RGS10: variants seen among roughly 807,000 people sequenced by gnomAD.
RGS10 encodes regulator of G-protein signalling 10.
In RGS10, 11 loss-of-function variants were observed where a neutral mutation model predicts 23.5. The observed-to-expected ratio is 0.47, with a 90% CI of 0.29 to 0.77. RGS10 has a LOEUF of 0.77. RGS10 is among the 30% of genes least tolerant of loss of function. The probability of loss-of-function intolerance (pLI) is 0.08; values close to 1 mark genes in which losing one functional copy is unlikely to be tolerated. For missense variants in RGS10, 180 were observed against 226.3 expected (o/e 0.80, Z 1.31); for synonymous variants, 77 against 83.2 (o/e 0.92, Z 0.41).
chr10:119,517,676 ACACACACG>A lies in RGS10; in HGVS notation c.256-2032_256-2025del, dbSNP rs1844162466. ...TCCTCCCCTTGACATTCACACGCAC[ACACACACG>A]CACACACGTGCACACACGCACACAC... On this transcript the variant is annotated intron_variant, in intron 3 of 4. Coordinates refer to ENST00000369103, the MANE Select transcript of RGS10 (RefSeq NM_001005339.2). The surrounding 1 kb of genome is among the most constrained non-coding windows in gnomAD (Gnocchi z 5.0). Among the ~76,000 whole-genome samples the A allele has an allele frequency of 6.6e-6, 1 of 152,190 alleles. No homozygotes were observed. Among genetic ancestry groups the A allele is most frequent in the East Asian group, 1.9e-4 (1 of 5,200 alleles).
intron 3 of RGS10, among the ~76,000 whole-genome samples, chr10:119,521,556 G>A (rs1339634438): frequency 7.2e-6 from 1 of 139,646 alleles, no homozygotes; most frequent in Non-Finnish European, 1.5e-5. Context: ...GGCAACAAGA[G>A]CGAAACCCCA....
At chr10:119,532,882 C>A (rs568239792) in intron 1 of RGS10, among the ~76,000 whole-genome samples, 25 of 151,106 alleles carry the variant, frequency 1.7e-4, no homozygotes, top group Admixed American at 2.0e-4. Context: ...ACCAAAAAAA[C>A]CACAAAAATT....
At position 119,538,863 on chromosome 10, in the gene RGS10, G is replaced by A. The variant is rs2133962457; in HGVS notation, c.49+3727C>T. ...GAAGAAACTTGGGGGCATAAATTTAGTGCAGTTTAAGCAACAGGTTCCCAG... is the reference window on the plus strand; with the variant it reads ...GAAGAAACTTGGGGGCATAAATTTAATGCAGTTTAAGCAACAGGTTCCCAG... On this transcript the variant is annotated intron_variant, in intron 1 of 4. Coordinates refer to ENST00000369103, the MANE Select transcript of RGS10 (RefSeq NM_001005339.2). The surrounding 1 kb of genome is among the most constrained non-coding windows in gnomAD (Gnocchi z 4.5). 6.6e-6 allele frequency among the ~76,000 whole-genome samples: 1 copy of A among 152,138 alleles called. No individual in the cohort carries two copies. Among genetic ancestry groups the A allele is most frequent in the East Asian group, 1.9e-4 (1 of 5,188 alleles).
intron 4 of RGS10, among the ~76,000 whole-genome samples, chr10:119,504,724 G>A (rs74157682): frequency 0.021 from 3,242 of 152,212 alleles, 103 homozygotes; most frequent in African/African-American, 0.072. Context: ...GGAAGAAGGC[G>A]TGTGAAGGCA....
chr10:119,509,840 C>T (rs1285051292), intron 4 of RGS10, among the ~76,000 whole-genome samples: 3 of 152,032 alleles, frequency 2.0e-5, no homozygotes, highest in Admixed American at 2.0e-4. Flanking sequence ...CAGGGCTGGA[C>T]TAGAATCCCC....
chr10:119,523,584 G>A (rs1306014480), intron 3 of RGS10, among the ~76,000 whole-genome samples: 1 of 152,184 alleles, frequency 6.6e-6, no homozygotes, highest in African/African-American at 2.4e-5. Flanking sequence ...AGGATCACCT[G>A]AACCCAGGAG....
chr10:119,541,003 T>A (rs2917929), intron 1 of RGS10, among the ~76,000 whole-genome samples: 13,810 of 152,226 alleles, frequency 0.091, 632 homozygotes, highest in South Asian at 0.12. Context: ...GATGTAAATA[T>A]CCCATCATAA....
intron 1 of RGS10, chr10:119,536,639 C>A: frequency 1.4e-6 from 1 of 715,414 alleles, no homozygotes; most frequent in Admixed American, 3.0e-5. Context: ...CAGATGGCCA[C>A]TGGTTTCCAG....
At chr10:119,512,151 CG>C (rs2133948523) in intron 4 of RGS10, among the ~76,000 whole-genome samples, 1 of 152,062 alleles carries the variant, frequency 6.6e-6, no homozygotes, top group South Asian at 2.1e-4. Context: ...GGGCTAAGTT[CG>C]GGGGCGGCGG....
Position 119,526,052 on chromosome 10 carries a change from T to C in RGS10, c.235A>G (p.Lys79Glu). ...AATACCTGCGTCTTATCTTGCATTT[T>C]CTTAAAATCTTCACATGCTAGCCAA... ...LFWLACEDFK[K>E]MQDKTQMQEK... Residue 79 changes from lysine to glutamate, a missense_variant, in exon 3 of 5, where the codon AAA becomes GAA. Lys to Glu is a moderately conservative substitution (Grantham distance 56). Coordinates refer to ENST00000369103, the MANE Select transcript of RGS10 (RefSeq NM_001005339.2). 1.3e-6 allele frequency: 2 copies of C among 1,575,438 alleles called. No individual in the cohort carries two copies. The highest frequency in any genetic ancestry group is 1.7e-6 in the Non-Finnish European group (2 of 1,160,664).
chr10:119,526,021 G>A lies in RGS10; in HGVS notation c.255+11C>T, dbSNP rs370660012. The A allele has an allele frequency of 1.3e-6, 2 of 1,494,722 alleles. No individual in the cohort carries two copies. Among genetic ancestry groups the A allele is most frequent in the Non-Finnish European group, 9.1e-7 (1 of 1,094,610 alleles). 92.6% of individuals were successfully genotyped at this position (1,494,722 alleles called of 1,614,324 possible). ...TATAAGGGAAAAAAATTATCAGAGTGGAGGAAATACCTGCGTCTTATCTTG... is the reference window on the plus strand; with the variant it reads ...TATAAGGGAAAAAAATTATCAGAGTAGAGGAAATACCTGCGTCTTATCTTG... On this transcript the variant is annotated intron_variant, in intron 3 of 4. Coordinates refer to ENST00000369103, the MANE Select transcript of RGS10 (RefSeq NM_001005339.2).
At chr10:119,534,590 CAAAAAA>C (rs561361616) in intron 1 of RGS10, among the ~76,000 whole-genome samples, 3 of 72,930 alleles carry the variant, frequency 4.1e-5, no homozygotes, top group African/African-American at 1.8e-4. Flanking sequence ...GACTCTGTCT[CAAAAAA>C]AAAAAAAAAA....
rs369402720 is a variant in RGS10, at chr10:119,501,451, G to A, written c.400-1192C>T. Among the ~76,000 whole-genome samples the A allele has an allele frequency of 1.5e-4, 23 of 152,282 alleles. No homozygotes were observed. The East Asian group carries it at 1.9e-3, about 13-fold the overall frequency. ...TTAAACATCTGAGGGTGCTGGGGGC[G>A]GTGGCTCACACCTGTAATCCCAGCA... is the stretch of plus-strand genomic sequence containing the variant. On this transcript the variant is annotated intron_variant, in intron 4 of 4. Coordinates refer to ENST00000369103, the MANE Select transcript of RGS10 (RefSeq NM_001005339.2).
intron 3 of RGS10, among the ~76,000 whole-genome samples, chr10:119,521,568 TA>T (rs1367087408): frequency 2.8e-3 from 245 of 86,734 alleles, no homozygotes; most frequent in African/African-American, 7.7e-3. Context: ...GAAACCCCAT[TA>T]AAAAAAAAAA....
At chr10:119,535,497 TAACA>T (rs1051114117) in intron 1 of RGS10, among the ~76,000 whole-genome samples, 1 of 152,212 alleles carries the variant, frequency 6.6e-6, no homozygotes, top group Non-Finnish European at 1.5e-5. Flanking sequence ...ATGTCATATC[TAACA>T]GAGACCTTCT....
chr10:119,539,313 A>G (rs757646986), intron 1 of RGS10, among the ~76,000 whole-genome samples: 10 of 152,254 alleles, frequency 6.6e-5, no homozygotes, highest in Non-Finnish European at 1.0e-4. Context: ...CCCAGCCATA[A>G]ACTTAAAACT....
At chr10:119,537,300 T>G (rs562633130) in intron 1 of RGS10, among the ~76,000 whole-genome samples, 55 of 149,370 alleles carry the variant, frequency 3.7e-4, no homozygotes, top group African/African-American at 1.3e-3. Context: ...GAGAATGGCT[T>G]GAACCCCGGA....
At chr10:119,523,362 C>T (rs1407725626) in intron 3 of RGS10, among the ~76,000 whole-genome samples, 1 of 152,202 alleles carries the variant, frequency 6.6e-6, no homozygotes, top group Non-Finnish European at 1.5e-5. Context: ...AGGACACAGA[C>T]TTTCAAGAAG....
Position 119,538,770 on chromosome 10 carries a change from G to A in RGS10, c.49+3820C>T, listed in dbSNP as rs1436573025. Among the ~76,000 whole-genome samples, 1 of 152,162 alleles carries A rather than the reference G, an allele frequency of 6.6e-6. No individual in the cohort carries two copies. The highest frequency in any genetic ancestry group is 1.5e-5 in the Non-Finnish European group (1 of 68,020). ...TATCAAGGGGCCACTGCTGCTGCCT[G>A]CTGGGGCCCCCTCCGCTCCTGCTGC... On this transcript the variant is annotated intron_variant, in intron 1 of 4. Coordinates refer to ENST00000369103, the MANE Select transcript of RGS10 (RefSeq NM_001005339.2). This position sits in a 1 kb window ranked among gnomAD's most constrained non-coding sequence, Gnocchi z 4.5.
Sources: allele counts gnomAD v4.1 joint callset (sites outside exome capture counted in the v4.1 genomes callset), GRCh38; gene constraint gnomAD v4.1.1; non-coding constraint Gnocchi (gnomAD v3.1); transcripts MANE v1.5; gene names NCBI Gene and HGNC (gene_info 2026-07-23, HGNC 2026-07-21).